Variants in MBNL2 observed in about 807,000 individuals in gnomAD.
MBNL2 encodes the protein muscleblind like splicing regulator 2, also known as muscleblind-like protein 2.
In MBNL2, 17 loss-of-function variants were observed where a neutral mutation model predicts 41.9. That is an observed-to-expected ratio of 0.41 (90% confidence interval 0.28 to 0.61). The LOEUF (loss-of-function observed/expected upper bound fraction) is 0.61, where lower values mean the gene tolerates loss of function less well. MBNL2 is among the 20% of genes least tolerant of loss of function. The probability of loss-of-function intolerance (pLI) is 0.35; values close to 1 mark genes in which losing one functional copy is unlikely to be tolerated. For missense variants in MBNL2, 336 were observed against 505.6 expected, an observed-to-expected ratio of 0.66 and a Z score of 3.22; for synonymous variants, 195 against 182.9, an observed-to-expected ratio of 1.07 and a Z score of -0.53.
chr13:97,307,615 C>A (rs530100891), intron 2 of MBNL2, among the ~76,000 whole-genome samples: 1 of 152,164 alleles, frequency 6.6e-6, no homozygotes, highest in Non-Finnish European at 1.5e-5. Context: ...TCAAAAGCTC[C>A]CTTGTGCAGA....
chr13:97,319,702 A>G (rs2059345032), intron 2 of MBNL2, among the ~76,000 whole-genome samples: 1 of 152,206 alleles, frequency 6.6e-6, no homozygotes, highest in Admixed American at 6.5e-5. Flanking sequence ...GATGATTTTT[A>G]TCAAGTCATT....
chr13:97,366,954 A>G lies in MBNL2; in HGVS notation c.1048+1783A>G, dbSNP rs1317263071. ...GACCCTATCATCTGTGTGGAGGAAA[A>G]AAATCTCCTCTTAGAAAGAGTCATA... is the stretch of plus-strand genomic sequence containing the variant. On this transcript the variant is annotated intron_variant, in intron 8 of 8. Transcript: ENST00000679496. This position sits in a 1 kb window ranked among gnomAD's most constrained non-coding sequence, Gnocchi z 4.7. 6.6e-6 allele frequency among the ~76,000 whole-genome samples: 1 copy of G among 152,124 alleles called. No homozygotes were observed. Among genetic ancestry groups the G allele is most frequent in the Non-Finnish European group, 1.5e-5 (1 of 68,014 alleles).
chr13:97,371,353 G>A (rs1468180811), intron 8 of MBNL2, among the ~76,000 whole-genome samples: 1 of 151,954 alleles, frequency 6.6e-6, no homozygotes, highest in East Asian at 1.9e-4. Flanking sequence ...TACTTTCCCT[G>A]TCCTCTGAAT....
chr13:97,324,241 A>G lies in MBNL2; in HGVS notation c.175-10035A>G, dbSNP rs2059732319. On this transcript the variant is annotated intron_variant, in intron 2 of 8. Transcript: ENST00000679496. ...CGCCTATCATGGCATTGATCACTCTATTTTAATTGTCATTTTAATATCACA... is the reference window on the plus strand; with the variant it reads ...CGCCTATCATGGCATTGATCACTCTGTTTTAATTGTCATTTTAATATCACA... Among the ~76,000 whole-genome samples the G allele has an allele frequency of 3.3e-5, 5 of 152,160 alleles. No individual in the cohort carries two copies. In the South Asian group the frequency reaches 1.0e-3, roughly 32 times the overall value.
At chr13:97,290,366 A>G (rs1400971687) in intron 2 of MBNL2, among the ~76,000 whole-genome samples, 1 of 151,882 alleles carries the variant, frequency 6.6e-6, no homozygotes, top group Non-Finnish European at 1.5e-5. Context: ...GGAAGTGACA[A>G]AAAAAAATCA....
chr13:97,388,628 TA>T, intron 8 of MBNL2, among the ~76,000 whole-genome samples: 1 of 152,208 alleles, frequency 6.6e-6, no homozygotes, highest in East Asian at 1.9e-4. Context: ...CTCGGGCCTG[TA>T]AGGTCCTGTG....
the MBNL2 span, among the ~76,000 whole-genome samples, chr13:97,145,957 CTCTTTTCTTTTCTTT>C: frequency 0.049 from 7,078 of 143,994 alleles, 516 homozygotes; most frequent in African/African-American, 0.17. Flanking sequence ...CAGGGTTCTA[CTCTTTTCTTTTCTTT>C]TCTTTTCTTT....
intron 1 of MBNL2, among the ~76,000 whole-genome samples, chr13:97,242,635 G>A (rs1333705341): frequency 6.6e-6 from 1 of 152,170 alleles, no homozygotes; most frequent in Admixed American, 6.5e-5. Context: ...GTAGGGTCTA[G>A]AAGAGGAGCA....
At chr13:97,283,448 G>T (rs2053820570) in intron 2 of MBNL2, among the ~76,000 whole-genome samples, 1 of 152,132 alleles carries the variant, frequency 6.6e-6, no homozygotes, top group African/African-American at 2.4e-5. Context: ...ACCCCTGGGT[G>T]CCTTGTTCCC....
chr13:97,147,157 G>A, the MBNL2 span, among the ~76,000 whole-genome samples: 13 of 152,338 alleles, frequency 8.5e-5, no homozygotes, highest in Middle Eastern at 3.4e-3. Flanking sequence ...TTGGTTGCTG[G>A]AAAAGTAGGC....
chr13:97,224,921 C>G (rs755191394), intron 1 of MBNL2, among the ~76,000 whole-genome samples: 2 of 152,256 alleles, frequency 1.3e-5, no homozygotes, highest in Non-Finnish European at 2.9e-5. Context: ...GCACACTATT[C>G]TGGCCACAGG....
the MBNL2 span, among the ~76,000 whole-genome samples, chr13:97,186,719 G>A: frequency 9.2e-5 from 14 of 152,070 alleles, 1 homozygote; most frequent in South Asian, 2.1e-4. Flanking sequence ...GCAAATCATC[G>A]TTTTAAGATT....
intron 1 of MBNL2, among the ~76,000 whole-genome samples, chr13:97,236,664 G>A (rs950272911): frequency 6.6e-6 from 1 of 151,660 alleles, no homozygotes; most frequent in Non-Finnish European, 1.5e-5. Flanking sequence ...CTCTCTTCTG[G>A]AACCTTCTGG....
the MBNL2 span, among the ~76,000 whole-genome samples, chr13:97,154,674 C>G: frequency 5.3e-5 from 8 of 152,052 alleles, no homozygotes; most frequent in African/African-American, 1.4e-4. Flanking sequence ...TTGGATGATG[C>G]GGGGAAGGCA....
At chr13:97,218,335 G>A (rs978986669), upstream of MBNL2, among the ~76,000 whole-genome samples, 6 of 151,584 alleles carry the variant, frequency 4.0e-5, no homozygotes, top group Admixed American at 6.6e-5. Context: ...GCGTGAACCC[G>A]GGAGGCGGAG....
rs561830520 is a variant in MBNL2 at position 97,228,383 on chromosome 13, G to C, written c.-605+5852G>C. Among the ~76,000 whole-genome samples the C allele has an allele frequency of 7.2e-5, 11 of 152,146 alleles. No individual in the cohort carries two copies. The South Asian group carries it at 2.1e-3, about 29-fold the overall frequency. ...TTCATTTGCAGAAAAAAAAGCTCAA[G>C]GTGGAGGTAGGAGATTAATTATTTT... On this transcript the variant is annotated intron_variant, in intron 1 of 8. Transcript: ENST00000679496.
At chr13:97,227,105 T>C (rs1041803142) in intron 1 of MBNL2, among the ~76,000 whole-genome samples, 1 of 151,310 alleles carries the variant, frequency 6.6e-6, no homozygotes, top group African/African-American at 2.4e-5. Context: ...CACTAAGTTT[T>C]GGGTTTATTT....
At chr13:97,293,603 A>T (rs2056542918) in intron 2 of MBNL2, among the ~76,000 whole-genome samples, 1 of 152,152 alleles carries the variant, frequency 6.6e-6, no homozygotes, top group Non-Finnish European at 1.5e-5. Flanking sequence ...TTGACCTGCC[A>T]GAGAATTATG....
At chr13:97,371,811 A>G (rs573796061) in intron 8 of MBNL2, among the ~76,000 whole-genome samples, 2 of 152,346 alleles carry the variant, frequency 1.3e-5, no homozygotes, top group South Asian at 4.1e-4. Flanking sequence ...ATTTTGTACT[A>G]TGGCAAAACC....
Sources: gnomAD v4.1 joint callset for allele counts (sites outside exome capture counted in the v4.1 genomes callset) on GRCh38, gnomAD v4.1.1 for gene constraint, Gnocchi (gnomAD v3.1) non-coding constraint, MANE v1.5 for transcripts, NCBI Gene and HGNC (gene_info 2026-07-23, HGNC 2026-07-21) for gene names.